The following PCDH15 variants were observed in gnomAD, a reference collection of about 807,000 sequenced individuals.
PCDH15 encodes the protein protocadherin related 15, also known as protocadherin-15.
PCDH15 carries 129 observed loss-of-function variants against 178.5 expected under a neutral mutation model. The ratio of observed to expected loss-of-function variants is 0.72; its 90% confidence interval spans 0.63 to 0.84. PCDH15 has a LOEUF of 0.84. Among genes scored for constraint, PCDH15 ranks in the 40% least tolerant of loss-of-function variants. The pLI, the probability that PCDH15 is intolerant of heterozygous loss-of-function variation, is 0.00. For synonymous variants in PCDH15, 800 were observed against 732.0 expected (o/e 1.09, Z -1.50); for missense variants, 2,230 against 2,099.9 (o/e 1.06, Z -1.21).
chr10:55,627,646 C>G (rs114259335), exon 2 of PCDH15: 2 of 152,162 alleles, frequency 1.3e-5, no homozygotes, highest in Non-Finnish European at 2.9e-5. Context: ...AGTAAGCAAC[C>G]GCTGGCGTCC....
chr10:55,479,195 T>A (rs1840123525), intron 2 of PCDH15, among the ~76,000 whole-genome samples: 1 of 151,338 alleles, frequency 6.6e-6, no homozygotes, highest in Non-Finnish European at 1.5e-5. Context: ...CATAAAAAGA[T>A]AACTTCAGAC....
intron 9 of PCDH15, among the ~76,000 whole-genome samples, chr10:54,231,343 C>T (rs12240800): frequency 0.055 from 8,315 of 152,254 alleles, 559 homozygotes; most frequent in African/African-American, 0.17. Flanking sequence ...AACCTGTGGA[C>T]ACACAGAGGG....
At chr10:54,509,203 T>C (rs2081425817) in intron 3 of PCDH15, among the ~76,000 whole-genome samples, 2 of 152,098 alleles carry the variant, frequency 1.3e-5, no homozygotes, top group Non-Finnish European at 2.9e-5. Context: ...AAACCTCATC[T>C]TGAATTGTAG....
chr10:54,841,280 A>G (rs1953412784), intron 3 of PCDH15, among the ~76,000 whole-genome samples: 1 of 151,968 alleles, frequency 6.6e-6, no homozygotes, highest in Non-Finnish European at 1.5e-5. Context: ...GAAAATTCGC[A>G]AACGTGGGAA....
chr10:55,603,364 C>A (rs1332142920), intron 2 of PCDH15, among the ~76,000 whole-genome samples: 2 of 150,324 alleles, frequency 1.3e-5, no homozygotes, highest in Non-Finnish European at 3.0e-5. Context: ...GCAAGGCAGG[C>A]CAACGTTCAG....
At chr10:55,273,119 A>C (rs1215445165) in intron 1 of PCDH15, among the ~76,000 whole-genome samples, 2 of 152,150 alleles carry the variant, frequency 1.3e-5, no homozygotes, top group African/African-American at 4.8e-5. Context: ...TTCCTGGCAT[A>C]GTGCATGTAT....
At chr10:54,119,663 A>G (rs1483171361) in intron 15 of PCDH15, among the ~76,000 whole-genome samples, 1 of 152,142 alleles carries the variant, frequency 6.6e-6, no homozygotes, top group Admixed American at 6.6e-5. Context: ...GTGAGATACT[A>G]TATAAAATGA....
chr10:54,616,917 C>T (rs983309996), intron 2 of PCDH15, among the ~76,000 whole-genome samples: 2 of 152,004 alleles, frequency 1.3e-5, no homozygotes, highest in Non-Finnish European at 2.9e-5. Flanking sequence ...AATGGCATTT[C>T]TAGCCCAAAT....
chr10:55,339,593 T>A (rs1382629522), intron 2 of PCDH15, among the ~76,000 whole-genome samples: 1 of 152,114 alleles, frequency 6.6e-6, no homozygotes, highest in Non-Finnish European at 1.5e-5. Context: ...TATAAATAGT[T>A]TCAGGACACA....
chr10:54,717,482 T>C (rs2095495227), intron 1 of PCDH15, among the ~76,000 whole-genome samples: 1 of 146,450 alleles, frequency 6.8e-6, no homozygotes, highest in Non-Finnish European at 1.5e-5. Context: ...AAAGAAGATA[T>C]TTATGCAGCC....
chr10:55,031,000 C>T (rs1310944433), intron 2 of PCDH15, among the ~76,000 whole-genome samples: 3 of 102,488 alleles, frequency 2.9e-5, no homozygotes, highest in Non-Finnish European at 6.7e-5. Context: ...AAAAGAAATG[C>T]AGATTTTTTT....
At chr10:55,230,638 C>G (rs2132197368) in intron 1 of PCDH15, among the ~76,000 whole-genome samples, 1 of 152,134 alleles carries the variant, frequency 6.6e-6, no homozygotes, top group South Asian at 2.1e-4. Flanking sequence ...CTTACAGAGA[C>G]AGCGGACAGT....
At chr10:55,124,771 C>G (rs532068819) in intron 2 of PCDH15, among the ~76,000 whole-genome samples, 2 of 151,898 alleles carry the variant, frequency 1.3e-5, no homozygotes, top group African/African-American at 4.8e-5. Context: ...AATGCCTAAC[C>G]CAATAAATTG....
At chr10:53,813,360 A>G (rs2075946655) in intron 35 of PCDH15, among the ~76,000 whole-genome samples, 1 of 152,132 alleles carries the variant, frequency 6.6e-6, no homozygotes, top group South Asian at 2.1e-4. Flanking sequence ...GTTTACAAAT[A>G]CTTTGTGAAC....
Position 54,195,918 on chromosome 10 carries a change from A to G in PCDH15, c.1099-29T>C, listed in dbSNP as rs755491533. 2.5e-6 allele frequency: 4 copies of G among 1,589,276 alleles called. No homozygotes were observed. The South Asian group carries it at 3.3e-5, about 13-fold the overall frequency. ...AAATTGAAAAGAAAAGAAAATATTT[A>G]GAAAGTATATGTCGTGCTATCTTTT... is the stretch of plus-strand genomic sequence containing the variant. On this transcript the variant is annotated intron_variant, in intron 10 of 37. Coordinates refer to ENST00000644397, the MANE Select transcript of PCDH15 (RefSeq NM_001384140.1).
At chr10:54,214,471 T>C (rs1157544203) in intron 9 of PCDH15, among the ~76,000 whole-genome samples, 1 of 152,224 alleles carries the variant, frequency 6.6e-6, no homozygotes, top group Non-Finnish European at 1.5e-5. Flanking sequence ...GCTTGGAAAT[T>C]AATGTGAACA....
intron 5 of PCDH15, among the ~76,000 whole-genome samples, chr10:54,348,273 CA>C (rs1943633929): frequency 6.6e-6 from 1 of 152,036 alleles, no homozygotes; most frequent in South Asian, 2.1e-4. Flanking sequence ...AAAAATAAAC[CA>C]TAAGTACAAG....
At chr10:54,350,684 A>T (rs534671006) in intron 5 of PCDH15, among the ~76,000 whole-genome samples, 1 of 152,324 alleles carries the variant, frequency 6.6e-6, no homozygotes, top group Admixed American at 6.5e-5. Flanking sequence ...AATGTTTTTT[A>T]AAAAATAGTA....
intron 8 of PCDH15, among the ~76,000 whole-genome samples, chr10:54,241,824 A>G (rs1418820974): frequency 2.0e-5 from 3 of 150,694 alleles, no homozygotes; most frequent in African/African-American, 7.3e-5. Flanking sequence ...CGATTAAACA[A>G]TAACAAAAAA....
Sources: gnomAD v4.1 joint callset for allele counts (sites outside exome capture counted in the v4.1 genomes callset) on GRCh38, gnomAD v4.1.1 for gene constraint, MANE v1.5 for transcripts, NCBI Gene and HGNC (gene_info 2026-07-23, HGNC 2026-07-21) for gene names.